BOC: variants seen among roughly 807,000 people sequenced by gnomAD.
BOC encodes the protein brother of CDO.
BOC carries 76 observed loss-of-function variants against 112.0 expected under a neutral mutation model. That is an observed-to-expected ratio of 0.68 (90% confidence interval 0.56 to 0.82). The LOEUF (loss-of-function observed/expected upper bound fraction) is 0.82, where lower values mean the gene tolerates loss of function less well. Ranked by LOEUF, BOC falls within the 40% of genes least tolerant of loss-of-function variation. The probability of loss-of-function intolerance (pLI) is 0.00; values close to 1 mark genes in which losing one functional copy is unlikely to be tolerated. For missense variants in BOC, 1,309 were observed against 1,511.7 expected, an observed-to-expected ratio of 0.87 and a Z score of 2.22; for synonymous variants, 580 against 599.8, an observed-to-expected ratio of 0.97 and a Z score of 0.48.
intron 1 of BOC, among the ~76,000 whole-genome samples, chr3:113,214,232 C>T (rs2107554527): frequency 6.6e-6 from 1 of 152,344 alleles, no homozygotes; most frequent in South Asian, 2.1e-4. Flanking sequence ...CCTTTCCACC[C>T]TCCAAATGGG....
intron 2 of BOC, among the ~76,000 whole-genome samples, chr3:113,218,244 C>A (rs540266750): frequency 3.3e-5 from 5 of 152,220 alleles, no homozygotes; most frequent in African/African-American, 2.4e-5. Flanking sequence ...AGCCCTCCCC[C>A]ACCTTCCCTG....
chr3:113,275,537 A>G (rs1286885612), intron 9 of BOC, among the ~76,000 whole-genome samples: 1 of 152,244 alleles, frequency 6.6e-6, no homozygotes, highest in East Asian at 1.9e-4. Context: ...CTCCAAGTAT[A>G]TGCCATTTTC....
chr3:113,221,568 C>T (rs1296938382), intron 2 of BOC, among the ~76,000 whole-genome samples: 1 of 152,228 alleles, frequency 6.6e-6, no homozygotes, highest in Non-Finnish European at 1.5e-5. Flanking sequence ...TCATCCTCCA[C>T]TTTAAATTGG....
chr3:113,265,405 G>A (rs563518546), intron 4 of BOC, among the ~76,000 whole-genome samples: 2 of 151,528 alleles, frequency 1.3e-5, no homozygotes, highest in East Asian at 1.9e-4. Flanking sequence ...GGACTTATTC[G>A]ACCATGGAGG....
chr3:113,216,592 G>T (rs1462820789), intron 2 of BOC, among the ~76,000 whole-genome samples: 3 of 152,202 alleles, frequency 2.0e-5, no homozygotes, highest in African/African-American at 7.2e-5. Context: ...GGTGAGGAAA[G>T]CCATGTGTTT....
intron 6 of BOC, chr3:113,271,448 G>A (rs1948113886): frequency 6.2e-6 from 2 of 324,586 alleles, no homozygotes; most frequent in Non-Finnish European, 1.2e-5. Context: ...CAGGAAAACA[G>A]CAGCTACCTT....
chr3:113,271,113 CT>C, intron 6 of BOC, 169 bp downstream of exon 6: 1 of 972,106 alleles, frequency 1.0e-6, no homozygotes, highest in Non-Finnish European at 1.6e-6. Context: ...ATTCTCTCCC[CT>C]CTGGCCGGCC....
At chr3:113,221,708 ATTC>A (rs1304178381) in intron 2 of BOC, among the ~76,000 whole-genome samples, 2 of 152,326 alleles carry the variant, frequency 1.3e-5, no homozygotes, top group East Asian at 3.9e-4. Flanking sequence ...GCTTCCACCC[ATTC>A]TTCATAGAAA....
chr3:113,258,252 A>G (rs891699975), intron 4 of BOC, among the ~76,000 whole-genome samples: 4 of 152,036 alleles, frequency 2.6e-5, no homozygotes, highest in African/African-American at 9.7e-5. Context: ...GGCCCAGTTC[A>G]GTTTCTCGGA....
chr3:113,251,425 C>T (rs77258633), intron 4 of BOC: 1,983 of 155,060 alleles, frequency 0.013, 38 homozygotes, highest in African/African-American at 0.046. Flanking sequence ...TAAAGGGATA[C>T]AGAGAAAAGA....
At chr3:113,257,709 T>A (rs986949629) in intron 4 of BOC, among the ~76,000 whole-genome samples, 1 of 152,120 alleles carries the variant, frequency 6.6e-6, no homozygotes, top group Non-Finnish European at 1.5e-5. Flanking sequence ...ATATATTTTC[T>A]TACTACAATT....
Position 113,274,731 on chromosome 3 carries a change from C to A in BOC, c.1542+49C>A. 7.9e-6 allele frequency: 12 copies of A among 1,513,948 alleles called. No homozygotes were observed. Among genetic ancestry groups the A allele is most frequent in the Non-Finnish European group, 1.1e-5 (12 of 1,119,688 alleles). The allele number at this position is 1,513,948 out of a possible 1,614,324, so 93.8% of individuals were successfully genotyped here. A position where few individuals can be genotyped will look rare whatever the true frequency, so the allele number is the denominator to read the frequency against. On this transcript the variant is annotated intron_variant, in intron 9 of 19. Transcript: ENST00000682979. The surrounding 1 kb of genome is among the most constrained non-coding windows in gnomAD (Gnocchi z 4.8). ...TGCCTCCCCTGCACAGCCTTTCCAG[C>A]AAGGCTGAGCAGAGTCACTGTCTCT...
At chr3:113,220,636 G>A (rs1288107766) in intron 2 of BOC, among the ~76,000 whole-genome samples, 1 of 152,166 alleles carries the variant, frequency 6.6e-6, no homozygotes, top group Non-Finnish European at 1.5e-5. Flanking sequence ...AGAGTCTGGG[G>A]ACAAGGGATT....
chr3:113,234,029 C>A (rs1943085422), intron 2 of BOC, among the ~76,000 whole-genome samples: 1 of 152,156 alleles, frequency 6.6e-6, no homozygotes, highest in Non-Finnish European at 1.5e-5. Context: ...CTGGAAAAGA[C>A]CTTAGAGGTA....
chr3:113,226,706 G>A (rs1254228563), intron 2 of BOC, among the ~76,000 whole-genome samples: 1 of 152,192 alleles, frequency 6.6e-6, no homozygotes, highest in African/African-American at 2.4e-5. Flanking sequence ...TGGCTAGGGG[G>A]TGCTGACCTG....
chr3:113,261,515 T>C (rs1946874549), intron 4 of BOC, among the ~76,000 whole-genome samples: 1 of 152,202 alleles, frequency 6.6e-6, no homozygotes, highest in African/African-American at 2.4e-5. Flanking sequence ...TGAGATGGTC[T>C]ACAGACCAGA....
At position 113,279,364 on chromosome 3, in the gene BOC, CAAG is replaced by C. The variant is rs750544572; in HGVS notation, c.1936_1938del (p.Lys646del). ...CAATCCAGTCCTTCCGTGTGGAGTA[CAAG>C]AAGCTAAAGAAAGTGGGAGACTGGA... On this transcript the variant is annotated inframe_deletion, in exon 12 of 20. Coordinates refer to ENST00000682979, the MANE Select transcript of BOC (RefSeq NM_001378074.1). The C allele has an allele frequency of 6.2e-7, 1 of 1,614,180 alleles. No homozygotes were observed. The highest frequency in any genetic ancestry group is 8.5e-7 in the Non-Finnish European group (1 of 1,180,030).
chr3:113,242,172 G>A (rs1271421634), intron 2 of BOC, among the ~76,000 whole-genome samples: 6 of 151,936 alleles, frequency 3.9e-5, no homozygotes, highest in South Asian at 2.1e-4. Context: ...TAGGAGCTGC[G>A]TTTATCCAAT....
intron 4 of BOC, among the ~76,000 whole-genome samples, chr3:113,255,483 ATT>A (rs11406555): frequency 6.6e-6 from 1 of 152,162 alleles, no homozygotes; most frequent in Non-Finnish European, 1.5e-5. Flanking sequence ...AACTTTTAAG[ATT>A]TTTTGATAAT....
Sources: gnomAD v4.1 joint callset for allele counts (sites outside exome capture counted in the v4.1 genomes callset) on GRCh38, gnomAD v4.1.1 for gene constraint, Gnocchi (gnomAD v3.1) non-coding constraint, MANE v1.5 for transcripts, NCBI Gene and HGNC (gene_info 2026-07-23, HGNC 2026-07-21) for gene names.